The following DCUN1D4 variants were observed in gnomAD, a reference collection of about 807,000 sequenced individuals.
DCUN1D4 encodes DCN1-like protein 4.
DCUN1D4 carries 22 observed loss-of-function variants against 47.9 expected under a neutral mutation model. The observed-to-expected ratio is 0.46, with a 90% CI of 0.33 to 0.66. The LOEUF is 0.66. Among genes scored for constraint, DCUN1D4 ranks in the 30% least tolerant of loss-of-function variants. The pLI, the probability that DCUN1D4 is intolerant of heterozygous loss-of-function variation, is 0.02. For synonymous variants in DCUN1D4, 121 were observed against 112.2 expected, an observed-to-expected ratio of 1.08 and a Z score of -0.50; for missense variants, 301 against 340.8, an observed-to-expected ratio of 0.88 and a Z score of 0.92.
At chr4:51,848,043 A>G (rs1722818122) in intron 1 of DCUN1D4, among the ~76,000 whole-genome samples, 1 of 152,164 alleles carries the variant, frequency 6.6e-6, no homozygotes, top group African/African-American at 2.4e-5. Flanking sequence ...CTATTGAATA[A>G]CTTGTGCATT....
chr4:51,896,639 G>A (rs566117788), intron 7 of DCUN1D4, among the ~76,000 whole-genome samples: 4 of 151,812 alleles, frequency 2.6e-5, no homozygotes, highest in South Asian at 2.1e-4. Context: ...CCTATAGTGC[G>A]AATTCAGCCC....
intron 7 of DCUN1D4, among the ~76,000 whole-genome samples, chr4:51,899,017 TGA>T (rs1365809916): frequency 3.3e-5 from 5 of 152,308 alleles, no homozygotes; most frequent in Admixed American, 3.3e-4. Flanking sequence ...TATATGTATA[TGA>T]GAGAGAGTAC....
chr4:51,893,134 A>G (rs1256346586), intron 7 of DCUN1D4, among the ~76,000 whole-genome samples: 1 of 152,208 alleles, frequency 6.6e-6, no homozygotes, highest in Non-Finnish European at 1.5e-5. Flanking sequence ...GTGATGTGTG[A>G]ATGTGGCAGA....
chr4:51,897,221 C>G (rs1449464479), intron 7 of DCUN1D4, among the ~76,000 whole-genome samples: 1 of 152,138 alleles, frequency 6.6e-6, no homozygotes, highest in Non-Finnish European at 1.5e-5. Context: ...AAGGGGCTTT[C>G]TAAATTGTTC....
At chr4:51,902,707 A>G (rs1480121257) in intron 8 of DCUN1D4, among the ~76,000 whole-genome samples, 1 of 152,192 alleles carries the variant, frequency 6.6e-6, no homozygotes, top group African/African-American at 2.4e-5. Context: ...TGGGATGCTG[A>G]AACTATTACA....
At chr4:51,872,864 G>A (rs568217282) in intron 3 of DCUN1D4, among the ~76,000 whole-genome samples, 16 of 152,338 alleles carry the variant, frequency 1.1e-4, no homozygotes, top group African/African-American at 2.4e-4. Flanking sequence ...GCTGAAGGCC[G>A]CCATGAGCGC....
intron 1 of DCUN1D4, among the ~76,000 whole-genome samples, chr4:51,850,830 A>C (rs1395056146): frequency 6.6e-6 from 1 of 152,078 alleles, no homozygotes; most frequent in East Asian, 1.9e-4. Context: ...GGAGGTTTTA[A>C]GCTAAGCCCT....
intron 1 of DCUN1D4, among the ~76,000 whole-genome samples, chr4:51,861,181 AG>A (rs1724997777): frequency 6.6e-6 from 1 of 152,164 alleles, no homozygotes; most frequent in Admixed American, 6.5e-5. Context: ...GGTAGACCTG[AG>A]ATTTGAACCA....
chr4:51,866,313 T>G (rs1725890787), intron 3 of DCUN1D4, among the ~76,000 whole-genome samples: 2 of 152,168 alleles, frequency 1.3e-5, no homozygotes, highest in Non-Finnish European at 2.9e-5. Flanking sequence ...CTAGGTTCCA[T>G]CCCCCACTAG....
chr4:51,904,412 AGG>A (rs1732568502), intron 8 of DCUN1D4, among the ~76,000 whole-genome samples: 1 of 152,172 alleles, frequency 6.6e-6, no homozygotes, highest in East Asian at 1.9e-4. Flanking sequence ...CAAAGACTGA[AGG>A]AGACCACTCT....
intron 3 of DCUN1D4, among the ~76,000 whole-genome samples, chr4:51,870,072 T>C (rs560147840): frequency 4.3e-4 from 66 of 152,350 alleles, no homozygotes; most frequent in Non-Finnish European, 8.7e-4. Flanking sequence ...AGCCTTAATA[T>C]CTTGCTTCTA....
intron 7 of DCUN1D4, among the ~76,000 whole-genome samples, chr4:51,892,863 A>G (rs919650671): frequency 4.6e-5 from 7 of 152,254 alleles, no homozygotes; most frequent in African/African-American, 7.2e-5. Flanking sequence ...TTTTCACTTT[A>G]GGAATAATAG....
rs1301744439 is a variant in DCUN1D4, at chr4:51,914,919, C to T, written c.*1335C>T. The stretch of plus-strand genomic sequence containing the variant: ...TGCTATTGAATGACTAATTCAGTCC[C>T]TAAAGTTCTGTGAAAACACAAAAGT... On this transcript the variant is annotated 3_prime_UTR_variant, in exon 11 of 11. Coordinates refer to ENST00000334635, the MANE Select transcript of DCUN1D4 (RefSeq NM_001040402.3). 1 of 150,470 alleles carries T rather than the reference C, an allele frequency of 6.6e-6. No homozygotes were observed. The highest frequency in any genetic ancestry group is 2.5e-5 in the African/African-American group (1 of 40,590). The allele number at this position is 150,470 out of a possible 1,614,324, so 9.3% of individuals were successfully genotyped here.
chr4:51,850,012 T>C (rs767001581), intron 1 of DCUN1D4, among the ~76,000 whole-genome samples: 13 of 152,300 alleles, frequency 8.5e-5, no homozygotes, highest in East Asian at 1.9e-4. Flanking sequence ...ACTAAAGATA[T>C]AGAACATTTC....
chr4:51,890,609 A>G (rs1047026833), intron 6 of DCUN1D4, among the ~76,000 whole-genome samples: 1 of 152,178 alleles, frequency 6.6e-6, no homozygotes, highest in African/African-American at 2.4e-5. Flanking sequence ...TGGTCCTAAG[A>G]AGGCCCTGTC....
At chr4:51,913,417 C>T in intron 10 of DCUN1D4, 25 bp downstream of exon 10, 4 of 1,589,524 alleles carry the variant, frequency 2.5e-6, no homozygotes, top group Non-Finnish European at 3.5e-6. Context: ...TACCATTCTG[C>T]CATTCGTGTA....
chr4:51,844,246 A>G (rs2109777047), intron 1 of DCUN1D4: 4 of 815,896 alleles, frequency 4.9e-6, no homozygotes, highest in Non-Finnish European at 5.8e-6. Flanking sequence ...TAGGGGAGGT[A>G]CTTCCTCTCC....
chr4:51,874,495 G>A, intron 4 of DCUN1D4, 110 bp downstream of exon 4: 1 of 608,704 alleles, frequency 1.6e-6, no homozygotes, highest in South Asian at 3.9e-5. Flanking sequence ...AGTGGAATGG[G>A]CTTTGCCAGT....
At chr4:51,900,120 A>G in intron 8 of DCUN1D4, among the ~76,000 whole-genome samples, 1 of 151,938 alleles carries the variant, frequency 6.6e-6, no homozygotes, top group East Asian at 1.9e-4. Context: ...TTCTTGTTTG[A>G]TTGCACTTTT....
Sources: allele counts gnomAD v4.1 joint callset (sites outside exome capture counted in the v4.1 genomes callset), GRCh38; gene constraint gnomAD v4.1.1; transcripts MANE v1.5; gene names NCBI Gene and HGNC (gene_info 2026-07-23, HGNC 2026-07-21).